The following PLPPR5 variants were observed in gnomAD, a reference collection of about 807,000 sequenced individuals.
PLPPR5 encodes phospholipid phosphatase related 5.
In PLPPR5, 16 loss-of-function variants were observed where a neutral mutation model predicts 33.9. That is an observed-to-expected ratio of 0.47 (90% CI 0.32 to 0.72). PLPPR5 has a LOEUF of 0.72. Ranked by LOEUF, PLPPR5 falls within the 30% of genes least tolerant of loss-of-function variation. PLPPR5 has a pLI of 0.03. For synonymous variants in PLPPR5, 163 were observed against 150.3 expected (o/e 1.08, Z -0.62); for missense variants, 301 against 406.7 (o/e 0.74, Z 2.23).
chr1:98,956,602 C>T lies in PLPPR5; in HGVS notation c.370+7G>A. 6.4e-7 allele frequency: 1 copy of T among 1,570,166 alleles called. No homozygotes were observed. On this transcript the variant is annotated splice_region_variant and intron_variant, in intron 2 of 5. Transcript: ENST00000263177. ...GAAATATTAAAAATAATTTAATGAA[C>T]ACATACCAAGAAATCGGACAGTTCG...
chr1:99,003,777 T>C (rs1157144124), intron 1 of PLPPR5, among the ~76,000 whole-genome samples: 2 of 152,226 alleles, frequency 1.3e-5, no homozygotes, highest in African/African-American at 4.8e-5. Context: ...CGGAGCAGCC[T>C]TTAAATAAAT....
At chr1:98,984,014 T>C (rs1377930395) in intron 1 of PLPPR5, among the ~76,000 whole-genome samples, 1 of 151,344 alleles carries the variant, frequency 6.6e-6, no homozygotes, top group Admixed American at 6.6e-5. Flanking sequence ...CTTGTGCACT[T>C]AGGTAAGGGA....
At chr1:98,981,230 G>A (rs551969176) in intron 1 of PLPPR5, among the ~76,000 whole-genome samples, 2 of 152,162 alleles carry the variant, frequency 1.3e-5, no homozygotes, top group South Asian at 2.1e-4. Context: ...GTTAAATTGT[G>A]TATTACAGGT....
intron 3 of PLPPR5, among the ~76,000 whole-genome samples, chr1:98,932,683 A>C (rs1415338062): frequency 1.3e-5 from 2 of 152,204 alleles, no homozygotes; most frequent in African/African-American, 2.4e-5. Context: ...TAATGTACTT[A>C]ACAGGCTATG....
intron 1 of PLPPR5, among the ~76,000 whole-genome samples, chr1:98,980,505 C>T (rs1325162034): frequency 6.6e-6 from 1 of 152,048 alleles, no homozygotes; most frequent in African/African-American, 2.4e-5. Flanking sequence ...AAGGATAGTG[C>T]ATCTTGCAAG....
At chr1:98,986,805 G>C (rs1652279929) in intron 1 of PLPPR5, among the ~76,000 whole-genome samples, 2 of 151,798 alleles carry the variant, frequency 1.3e-5, no homozygotes, top group South Asian at 4.1e-4. Flanking sequence ...CTGTTACAAT[G>C]ACAAGGTTTT....
chr1:98,950,120 C>A (rs142931593), intron 3 of PLPPR5, among the ~76,000 whole-genome samples: 383 of 152,292 alleles, frequency 2.5e-3, no homozygotes, highest in African/African-American at 8.9e-3. Context: ...CTGGAACATT[C>A]AGAAACATCG....
At chr1:98,990,196 C>T (rs937407888) in intron 1 of PLPPR5, among the ~76,000 whole-genome samples, 1 of 151,942 alleles carries the variant, frequency 6.6e-6, no homozygotes, top group African/African-American at 2.4e-5. Context: ...TGGTGAAACC[C>T]CATCTCTACT....
chr1:98,929,676 G>A (rs1041802376), intron 3 of PLPPR5, among the ~76,000 whole-genome samples: 3 of 152,146 alleles, frequency 2.0e-5, no homozygotes, highest in African/African-American at 7.2e-5. Context: ...CTTCATCACA[G>A]ACACATTTAC....
intron 1 of PLPPR5, among the ~76,000 whole-genome samples, chr1:98,983,946 CT>C (rs113661489): frequency 0.16 from 22,840 of 141,594 alleles, 1,709 homozygotes; most frequent in South Asian, 0.24. Flanking sequence ...TTGTTTTTTT[CT>C]TTTTTTTTTT....
chr1:98,909,594 T>C (rs1479126442), intron 5 of PLPPR5, among the ~76,000 whole-genome samples: 1 of 151,986 alleles, frequency 6.6e-6, no homozygotes, highest in Non-Finnish European at 1.5e-5. Flanking sequence ...CATTAACTTA[T>C]TGAACTCATA....
chr1:98,976,218 T>C (rs1354124996), intron 1 of PLPPR5, among the ~76,000 whole-genome samples: 2 of 151,292 alleles, frequency 1.3e-5, no homozygotes, highest in Admixed American at 1.3e-4. Flanking sequence ...CCACACATAG[T>C]AATGAATCTT....
chr1:98,906,093 A>AGTATATATACAGTGTAT (rs1648885309), intron 5 of PLPPR5, among the ~76,000 whole-genome samples: 2 of 151,976 alleles, frequency 1.3e-5, no homozygotes, highest in South Asian at 2.1e-4. Flanking sequence ...CTATATACCT[A>AGTATATATACAGTGTAT]GTATATATAC....
At position 98,892,802 on chromosome 1, in the gene PLPPR5, G is replaced by T. The variant is rs984271; in HGVS notation, c.*270C>A. On this transcript the variant is annotated 3_prime_UTR_variant, in exon 6 of 6. Coordinates refer to ENST00000263177, the MANE Select transcript of PLPPR5 (RefSeq NM_001037317.2). ...AGTGAATGTTTTATTTAAGAATTTT[G>T]TTCATTTGGTCATCACATTTTTGTT... 0.6 allele frequency: 206,814 copies of T among 342,732 alleles called. 63,682 individuals carry two copies. Among genetic ancestry groups the T allele is most frequent in the East Asian group, 0.74 (14,553 of 19,636 alleles). 21.2% of individuals were successfully genotyped at this position (342,732 alleles called of 1,614,324 possible).
chr1:98,890,396 C>G lies in PLPPR5; in HGVS notation c.*2676G>C, dbSNP rs1157780160. On this transcript the variant is annotated 3_prime_UTR_variant, in exon 6 of 6. Coordinates refer to ENST00000263177, the MANE Select transcript of PLPPR5 (RefSeq NM_001037317.2). Reference sequence around the variant, plus strand: ...AGGATAGATCCTGAGAAAAGAGAGGCCCAGTTAGAAGTGGAAAATACAAAG... The same window carrying G: ...AGGATAGATCCTGAGAAAAGAGAGGGCCAGTTAGAAGTGGAAAATACAAAG... 1 of 152,360 alleles carries G rather than the reference C, an allele frequency of 6.6e-6. No individual in the cohort carries two copies. The highest frequency in any genetic ancestry group is 2.4e-5 in the African/African-American group (1 of 41,382). The allele number at this position is 152,360 out of a possible 1,614,324, so 9.4% of individuals were successfully genotyped here.
chr1:98,957,025 T>C (rs1007948795), intron 1 of PLPPR5, among the ~76,000 whole-genome samples: 1 of 151,982 alleles, frequency 6.6e-6, no homozygotes, highest in Non-Finnish European at 1.5e-5. Flanking sequence ...GATGAGTTCA[T>C]GTCCTTTGTA....
At chr1:98,929,685 A>C (rs1367397526) in intron 3 of PLPPR5, among the ~76,000 whole-genome samples, 2 of 152,172 alleles carry the variant, frequency 1.3e-5, no homozygotes, top group Admixed American at 6.5e-5. Context: ...AGACACATTT[A>C]CCTAATCCCT....
In PLPPR5 at chr1:99,004,422, C is replaced by G. The variant is rs781728614; in HGVS notation, c.237+13G>C. The G allele has an allele frequency of 8.8e-6, 14 of 1,589,564 alleles. No homozygotes were observed. The highest frequency in any genetic ancestry group is 1.2e-5 in the Non-Finnish European group (14 of 1,166,914). ...AGGGACTCGGCGACGAGGGCGAGCG[C>G]CCCCGGGCTTACCACGAGCACGGGG... On this transcript the variant is annotated intron_variant, in intron 1 of 5. Coordinates refer to ENST00000263177, the MANE Select transcript of PLPPR5 (RefSeq NM_001037317.2).
At chr1:98,964,008 C>G (rs559604187) in intron 1 of PLPPR5, among the ~76,000 whole-genome samples, 28 of 152,182 alleles carry the variant, frequency 1.8e-4, no homozygotes, top group Admixed American at 1.8e-3. Flanking sequence ...GTGTTTTGGT[C>G]GTTTTCTCAC....
Sources: allele counts gnomAD v4.1 joint callset (sites outside exome capture counted in the v4.1 genomes callset), GRCh38; gene constraint gnomAD v4.1.1; transcripts MANE v1.5; gene names NCBI Gene and HGNC (gene_info 2026-07-23, HGNC 2026-07-21).